MIGA2: variants seen among roughly 807,000 people sequenced by gnomAD.
The protein encoded by MIGA2 is mitoguardin 2, also known as family with sequence similarity 73, member B.
In MIGA2, 36 loss-of-function variants were observed where a neutral mutation model predicts 69.9. The observed-to-expected ratio is 0.52, with a 90% CI of 0.39 to 0.68. MIGA2 has a LOEUF of 0.68. Ranked by LOEUF, MIGA2 falls within the 30% of genes least tolerant of loss-of-function variation. The pLI is 0.00. For synonymous variants in MIGA2, 333 were observed against 349.2 expected (o/e 0.95, Z 0.52); for missense variants, 660 against 787.7 (o/e 0.84, Z 1.94).
In MIGA2 at chr9:129,059,234, C is replaced by T; in HGVS notation, c.756C>T (p.Gly252=). 1 of 1,599,262 alleles carries T rather than the reference C, an allele frequency of 6.3e-7. No individual in the cohort carries two copies. The highest frequency in any genetic ancestry group is 1.1e-5 in the South Asian group (1 of 88,938). The change falls in exon 7 of 16, where the codon GGC becomes GGT. Residue 252 remains glycine, a synonymous_variant. Coordinates refer to ENST00000684074, the MANE Select transcript of MIGA2 (RefSeq NM_001329990.2). This position sits in a 1 kb window ranked among gnomAD's most constrained non-coding sequence, Gnocchi z 5.6. The part of the protein sequence containing the change: ...HRAYHLQEEF[G]STFPADSMLL... ...CCTACCACCTGCAGGAGGAGTTCGG[C>T]TCCACCTTCCCCGCAGACAGCATGC...
At chr9:129,043,437 A>C in intron 3 of MIGA2, among the ~76,000 whole-genome samples, 1 of 136,010 alleles carries the variant, frequency 7.4e-6, no homozygotes, top group Admixed American at 8.3e-5. Flanking sequence ...CCCAGTCTGC[A>C]GGGCAGTGGC....
At position 129,063,314 on chromosome 9, in the gene MIGA2, G is replaced by C. The variant is rs751769942; in HGVS notation, c.1081G>C (p.Glu361Gln). The C allele has an allele frequency of 6.2e-7, 1 of 1,614,018 alleles. No individual in the cohort carries two copies. Among genetic ancestry groups the C allele is most frequent in the East Asian group, 2.2e-5 (1 of 44,882 alleles). Residue 361 changes from glutamate to glutamine, a missense_variant and splice_region_variant, in exon 10 of 16, where the codon GAG (glutamate) becomes CAG (glutamine). This residue lies in a region of MIGA2 where 386 missense variants were observed against 402.0 expected (regional missense o/e 0.96). Transcript: ENST00000684074. ...GCTGCACTGTGTGCGGCAGGCCTTC[G>C]AGGTGGGTGTGGCCTGGGGGTTCCT... The part of the protein sequence containing the change: ...AKLHCVRQAF[E>Q]GLLEDKSNQL...
chr9:129,056,904 C>T (rs1202680193), intron 6 of MIGA2, among the ~76,000 whole-genome samples: 2 of 152,014 alleles, frequency 1.3e-5, no homozygotes, highest in East Asian at 2.0e-4. Flanking sequence ...TGTGGCGGTA[C>T]GTGCCTATGG....
At position 129,040,450 on chromosome 9, in the gene MIGA2, A is replaced by G; in HGVS notation, c.-143-2A>G. On this transcript the variant is annotated splice_acceptor_variant, in intron 1 of 15. Transcript: ENST00000684074. LOFTEE classifies it low-confidence loss of function (5UTR_SPLICE). ...TATCTGACTTGGTCATCTGTCTCTTAGCTCTGTGGAGGGGCCCTCTGGTAT... is the reference window on the plus strand; with the variant it reads ...TATCTGACTTGGTCATCTGTCTCTTGGCTCTGTGGAGGGGCCCTCTGGTAT... 1 of 1,403,462 alleles carries G rather than the reference A, an allele frequency of 7.1e-7. No homozygotes were observed. Among genetic ancestry groups the G allele is most frequent in the Non-Finnish European group, 9.4e-7 (1 of 1,067,792 alleles). The allele number at this position is 1,403,462 out of a possible 1,614,324, so 86.9% of individuals were successfully genotyped here.
rs555338102 is a variant in MIGA2, at chr9:129,071,473, T to C, written c.*1020T>C. ...TGTCAGCCCGGCAGTGTCTTCTCAGTGTCTTCACCTGAGCGAGTGTCTGTG... is the reference window on the plus strand; with the variant it reads ...TGTCAGCCCGGCAGTGTCTTCTCAGCGTCTTCACCTGAGCGAGTGTCTGTG... On this transcript the variant is annotated 3_prime_UTR_variant, in exon 16 of 16. Transcript: ENST00000684074. 3.3e-5 allele frequency: 5 copies of C among 152,330 alleles called. No individual in the cohort carries two copies. The highest frequency in any genetic ancestry group is 2.1e-4 in the South Asian group (1 of 4,838). 9.4% of individuals were successfully genotyped at this position (152,330 alleles called of 1,614,324 possible).
chr9:129,045,273 C>T (rs1171273889), intron 3 of MIGA2, among the ~76,000 whole-genome samples: 1 of 151,658 alleles, frequency 6.6e-6, no homozygotes, highest in Non-Finnish European at 1.5e-5. Flanking sequence ...GAAACCCCCT[C>T]TCTACTAAAA....
chr9:129,043,987 A>G (rs1256753845), intron 3 of MIGA2, among the ~76,000 whole-genome samples: 1 of 146,946 alleles, frequency 6.8e-6, no homozygotes, highest in Non-Finnish European at 1.5e-5. Flanking sequence ...GGCATGAGCC[A>G]ACCTGCCCGG....
chr9:129,059,072 C>T lies in MIGA2; in HGVS notation c.676-82C>T, dbSNP rs1421592344. The T allele has an allele frequency of 3.1e-6, 4 of 1,286,578 alleles. No individual in the cohort carries two copies. Among genetic ancestry groups the T allele is most frequent in the African/African-American group, 1.5e-5 (1 of 68,326 alleles). 79.7% of individuals were successfully genotyped at this position (1,286,578 alleles called of 1,614,324 possible). ...GGTCCTAGAGCTCCTCCCCTTTCCC[C>T]AGGGACCTGGGGGTGAGGGAAGGGG... is the stretch of plus-strand genomic sequence containing the variant. On this transcript the variant is annotated intron_variant, in intron 6 of 15. Transcript: ENST00000684074. This position sits in a 1 kb window ranked among gnomAD's most constrained non-coding sequence, Gnocchi z 5.6.
chr9:129,067,951 A>G, intron 12 of MIGA2, 80 bp downstream of exon 12: 1 of 1,483,124 alleles, frequency 6.7e-7, no homozygotes, highest in Non-Finnish European at 9.2e-7. Context: ...GCCGAGCTCT[A>G]GCTCAGTTCC....
intron 6 of MIGA2, among the ~76,000 whole-genome samples, chr9:129,055,372 C>T (rs1318731001): frequency 6.6e-6 from 1 of 151,958 alleles, no homozygotes; most frequent in East Asian, 1.9e-4. Flanking sequence ...GCCGCTGTGC[C>T]CAGCCAATTT....
intron 6 of MIGA2, among the ~76,000 whole-genome samples, chr9:129,052,898 A>G (rs1296412093): frequency 6.6e-6 from 1 of 152,172 alleles, no homozygotes; most frequent in East Asian, 1.9e-4. Context: ...CCTGTCTGCG[A>G]GTCGGCAGGG....
chr9:129,038,859 G>A (rs374253782), intron 1 of MIGA2, among the ~76,000 whole-genome samples: 5 of 142,836 alleles, frequency 3.5e-5, no homozygotes, highest in Non-Finnish European at 4.5e-5. Context: ...GCAGTGGCGC[G>A]ATCTAGGCTC....
chr9:129,066,821 C>T (rs545625850), intron 11 of MIGA2, among the ~76,000 whole-genome samples: 78 of 150,990 alleles, frequency 5.2e-4, no homozygotes, highest in Admixed American at 4.2e-3. Context: ...ATTAGCCGGG[C>T]GTGGTGGCGG....
intron 2 of MIGA2, 72 bp downstream of exon 2, chr9:129,040,762 C>T (rs913693818): frequency 2.2e-5 from 31 of 1,384,834 alleles, no homozygotes; most frequent in Non-Finnish European, 3.1e-5. Context: ...TCCTCCGTGT[C>T]CAGGAACGCT....
chr9:129,042,676 C>G (rs1844980085), intron 3 of MIGA2, among the ~76,000 whole-genome samples, 162 bp downstream of exon 3: 1 of 152,154 alleles, frequency 6.6e-6, no homozygotes. Context: ...TCCCTCCCTC[C>G]AGTCACTGTA....
At position 129,063,637 on chromosome 9, in the gene MIGA2, A is replaced by T; in HGVS notation, c.1170+6A>T. The T allele has an allele frequency of 1.4e-5, 5 of 368,744 alleles. No individual in the cohort carries two copies. Among genetic ancestry groups the T allele is most frequent in the Non-Finnish European group, 2.0e-5 (4 of 197,796 alleles). The allele number at this position is 368,744 out of a possible 1,614,324, so 22.8% of individuals were successfully genotyped here. ...TGATGACCAAGGCTGAGAAGGTAGC[A>T]GGGGGTGGGGTGGGGGGGCAAATTA... On this transcript the variant is annotated splice_donor_region_variant and intron_variant, in intron 11 of 15. Coordinates refer to ENST00000684074, the MANE Select transcript of MIGA2 (RefSeq NM_001329990.2).
chr9:129,059,236 C>T lies in MIGA2; in HGVS notation c.758C>T (p.Ser253Phe), dbSNP rs1564614111. The change falls in exon 7 of 16, where the codon TCC becomes TTC. Residue 253 changes from serine (S) to phenylalanine (F), a missense_variant. Ser to Phe is a radical substitution (Grantham distance 155). Transcript: ENST00000684074. This position sits in a 1 kb window ranked among gnomAD's most constrained non-coding sequence, Gnocchi z 5.6. ...TACCACCTGCAGGAGGAGTTCGGCT[C>T]CACCTTCCCCGCAGACAGCATGCTG... ...RAYHLQEEFG[S>F]TFPADSMLLD... 1.3e-6 allele frequency: 2 copies of T among 1,596,558 alleles called. No individual in the cohort carries two copies. Among genetic ancestry groups the T allele is most frequent in the Non-Finnish European group, 8.5e-7 (1 of 1,170,858 alleles).
At chr9:129,042,614 TTCC>T in intron 3 of MIGA2, 100 bp downstream of exon 3, 2 of 1,256,148 alleles carry the variant, frequency 1.6e-6, no homozygotes, top group South Asian at 2.8e-5. Context: ...GGCCAGTGTC[TTCC>T]TGTCTCAGAG....
At position 129,060,718 on chromosome 9, in the gene MIGA2, C is replaced by G. The variant is rs1846025710; in HGVS notation, c.894+68C>G. On this transcript the variant is annotated intron_variant, in intron 8 of 15. Coordinates refer to ENST00000684074, the MANE Select transcript of MIGA2 (RefSeq NM_001329990.2). This position sits in a 1 kb window ranked among gnomAD's most constrained non-coding sequence, Gnocchi z 4.8. ...GGGCCTCCTCTGCAGGTCCATGGGGCCAGCACTGGGTCATGGGAAAGTGGA... is the reference window on the plus strand; with the variant it reads ...GGGCCTCCTCTGCAGGTCCATGGGGGCAGCACTGGGTCATGGGAAAGTGGA... 7.6e-7 allele frequency: 1 copy of G among 1,310,372 alleles called. No homozygotes were observed. The highest frequency in any genetic ancestry group is 2.1e-5 in the Admixed American group (1 of 48,290). 81.2% of individuals were successfully genotyped at this position (1,310,372 alleles called of 1,614,324 possible).
Sources: allele counts gnomAD v4.1 joint callset (sites outside exome capture counted in the v4.1 genomes callset), GRCh38; gene constraint gnomAD v4.1.1; regional missense constraint gnomAD v4.1.1; non-coding constraint Gnocchi (gnomAD v3.1); transcripts MANE v1.5; gene names NCBI Gene and HGNC (gene_info 2026-07-23, HGNC 2026-07-21).